POU6F1: variants seen among roughly 807,000 people sequenced by gnomAD.
POU6F1 encodes POU domain, class 6, transcription factor 1.
In POU6F1, 9 loss-of-function variants were observed where a neutral mutation model predicts 28.9. That is an observed-to-expected ratio of 0.31 (90% CI 0.19 to 0.54). The LOEUF (loss-of-function observed/expected upper bound fraction) is 0.54. POU6F1 is among the 20% of genes least tolerant of loss of function. The pLI is 0.94. For missense variants in POU6F1, 338 were observed against 426.1 expected (o/e 0.79, Z 1.82); for synonymous variants, 173 against 171.1 (o/e 1.01, Z -0.09).
chr12:51,205,557 C>A (rs1943537670), intron 2 of POU6F1, among the ~76,000 whole-genome samples: 1 of 152,234 alleles, frequency 6.6e-6, no homozygotes, highest in African/African-American at 2.4e-5. Context: ...GAATCAGAGA[C>A]AAAGTCTGTA....
intron 1 of POU6F1, among the ~76,000 whole-genome samples, chr12:51,213,334 AC>A: frequency 6.6e-6 from 1 of 152,254 alleles, no homozygotes; most frequent in Middle Eastern, 3.4e-3. Flanking sequence ...GGAAAATGGA[AC>A]TTGTATGGGA....
Position 51,187,510 on chromosome 12 carries a change from G to A in POU6F1, c.*2737C>T, listed in dbSNP as rs996033258. 6 of 152,218 alleles carry A rather than the reference G, an allele frequency of 3.9e-5. No homozygotes were observed. The highest frequency in any genetic ancestry group is 1.3e-4 in the Admixed American group (2 of 15,286). The allele number at this position is 152,218 out of a possible 1,614,324, so 9.4% of individuals were successfully genotyped here. A position where few individuals can be genotyped will look rare whatever the true frequency, so the allele number is the denominator to read the frequency against. On this transcript the variant is annotated 3_prime_UTR_variant, in exon 11 of 11. Coordinates refer to ENST00000333640, the MANE Select transcript of POU6F1 (RefSeq NM_001330422.2). The stretch of plus-strand genomic sequence containing the variant: ...GCTGCTTCCTGGGGGGTCTTACACT[G>A]TGGGAGGAAGGGCAGAGGTCACAGG...
Position 51,199,997 on chromosome 12 carries a change from A to G in POU6F1, c.245-129T>C, listed in dbSNP as rs1326774928. The G allele has an allele frequency of 2.5e-6, 1 of 397,998 alleles. No individual in the cohort carries two copies. Among genetic ancestry groups the G allele is most frequent in the Non-Finnish European group, 4.4e-6 (1 of 225,828 alleles). 24.7% of individuals were successfully genotyped at this position (397,998 alleles called of 1,614,324 possible). On this transcript the variant is annotated intron_variant, in intron 3 of 10. Transcript: ENST00000333640. The surrounding 1 kb of genome is among the most constrained non-coding windows in gnomAD (Gnocchi z 4.1). ...ACCCTCAGCCCCATGCTGCATTGCT[A>G]CATAGCCCAAGACCAATTGTTGGTC...
intron 8 of POU6F1, among the ~76,000 whole-genome samples, chr12:51,195,252 G>A (rs147415960): frequency 6.4e-4 from 98 of 152,272 alleles, no homozygotes; most frequent in Non-Finnish European, 1.1e-3. Flanking sequence ...CTCCGCCTTA[G>A]CCTCCTGAGT....
chr12:51,197,846 G>A lies in POU6F1; in HGVS notation c.770C>T (p.Ala257Val), dbSNP rs1942943043. 2 of 403,968 alleles carry A rather than the reference G, an allele frequency of 5.0e-6. No individual in the cohort carries two copies. The highest frequency in any genetic ancestry group is 8.7e-6 in the Non-Finnish European group (2 of 229,174). The allele number at this position is 403,968 out of a possible 1,614,324, so 25.0% of individuals were successfully genotyped here. The change falls in exon 6 of 11, where the codon GCC becomes GTC. Residue 257 changes from alanine to valine, a missense_variant. Transcript: ENST00000333640. ...LPQPTAATAA[A>V]PTPKPVDTPP... Reference sequence around the variant, plus strand: ...GGTGTCCACTGGCTTGGGGGTAGGGGCAGCAGCGGTGGCAGCAGTGGGCTG... The same window carrying A: ...GGTGTCCACTGGCTTGGGGGTAGGGACAGCAGCGGTGGCAGCAGTGGGCTG...
chr12:51,192,230 C>T, intron 9 of POU6F1, 100 bp downstream of exon 9: 2 of 1,487,868 alleles, frequency 1.3e-6, no homozygotes, highest in South Asian at 1.3e-5. Context: ...CCCTTCCCCT[C>T]TGGACCCCAG....
rs1281489818 is a variant in POU6F1 at position 51,206,780 on chromosome 12, A to G, written c.48+9T>C. The stretch of plus-strand genomic sequence containing the variant: ...CCCTTACCCCCCCACTTCCCACCCC[A>G]GAAGATACCTGCTCATTGACAGTCA... On this transcript the variant is annotated intron_variant, in intron 2 of 10. Coordinates refer to ENST00000333640, the MANE Select transcript of POU6F1 (RefSeq NM_001330422.2). The G allele has an allele frequency of 2.6e-6, 1 of 391,256 alleles. No homozygotes were observed. Among genetic ancestry groups the G allele is most frequent in the Non-Finnish European group, 4.5e-6 (1 of 222,268 alleles). 24.2% of individuals were successfully genotyped at this position (391,256 alleles called of 1,614,324 possible).
chr12:51,198,011 A>G lies in POU6F1; in HGVS notation c.605T>C (p.Leu202Pro), dbSNP rs1035860747. The G allele has an allele frequency of 2.5e-5, 10 of 399,462 alleles. No homozygotes were observed. The highest frequency in any genetic ancestry group is 4.0e-5 in the Non-Finnish European group (9 of 226,494). The allele number at this position is 399,462 out of a possible 1,614,324, so 24.7% of individuals were successfully genotyped here. A position where few individuals can be genotyped will look rare whatever the true frequency, so the allele number is the denominator to read the frequency against. ...PLAGLQAAAVLNTALPAPVQA... is the reference protein window; with the variant it reads ...PLAGLQAAAVPNTALPAPVQA... The stretch of plus-strand genomic sequence containing the variant: ...TACCGGTGCCGGAAGAGCGGTGTTC[A>G]GCACAGCAGCTGCTATGGAGCAAGG... Residue 202 changes from leucine (L) to proline (P), a missense_variant, in exon 6 of 11, where the codon CTG (leucine) becomes CCG (proline). By Grantham distance (98) the Leu-to-Pro change is moderately conservative. Around this residue, in one of 3 missense-constraint regions of POU6F1, gnomAD observed 206 missense variants for 225.6 expected, o/e 0.91. Transcript: ENST00000333640.
chr12:51,190,141 G>GCATTTGC lies in POU6F1; in HGVS notation c.*105_*106insGCAAATG, dbSNP rs1942292770. On this transcript the variant is annotated 3_prime_UTR_variant, in exon 11 of 11. Transcript: ENST00000333640. The surrounding 1 kb of genome is among the most constrained non-coding windows in gnomAD (Gnocchi z 4.5). ...GGTGGAGTCTGATGACCTGGGGTGAGCACAGCTGCACGTGGCAAAATGACA... is the reference window on the plus strand; with the variant it reads ...GGTGGAGTCTGATGACCTGGGGTGAGCATTTGCCACAGCTGCACGTGGCAAAATGACA... The GCATTTGC allele has an allele frequency of 6.8e-7, 1 of 1,479,714 alleles. No homozygotes were observed. The highest frequency in any genetic ancestry group is 1.4e-5 in the African/African-American group (1 of 71,538). 91.7% of individuals were successfully genotyped at this position (1,479,714 alleles called of 1,614,324 possible).
At chr12:51,210,488 TAA>T (rs1016545043) in intron 1 of POU6F1, among the ~76,000 whole-genome samples, 14 of 152,274 alleles carry the variant, frequency 9.2e-5, no homozygotes, top group Middle Eastern at 3.4e-3. Context: ...AGAGGAGCGT[TAA>T]GTCTGCTCAT....
Position 51,192,310 on chromosome 12 carries a change from C to T in POU6F1, c.1321+20G>A. 6.2e-7 allele frequency: 1 copy of T among 1,612,840 alleles called. No individual in the cohort carries two copies. The highest frequency in any genetic ancestry group is 8.5e-7 in the Non-Finnish European group (1 of 1,179,180). On this transcript the variant is annotated intron_variant, in intron 9 of 10. Coordinates refer to ENST00000333640, the MANE Select transcript of POU6F1 (RefSeq NM_001330422.2). ...AATGCCTCCCCACTTCTCCACACTACTTCTCCAGGAGCCACTTACTGGACA... is the reference window on the plus strand; with the variant it reads ...AATGCCTCCCCACTTCTCCACACTATTTCTCCAGGAGCCACTTACTGGACA...
Position 51,189,651 on chromosome 12 carries a change from CT to C in POU6F1, c.*595del, listed in dbSNP as rs1400024009. ...CCCAGGGGTTTGGGAACCTTCTGACCTTGAGGTCAAGGCAGACATGGAGTCT... is the reference window on the plus strand; with the variant it reads ...CCCAGGGGTTTGGGAACCTTCTGACCTGAGGTCAAGGCAGACATGGAGTCT... On this transcript the variant is annotated 3_prime_UTR_variant, in exon 11 of 11. Coordinates refer to ENST00000333640, the MANE Select transcript of POU6F1 (RefSeq NM_001330422.2). 4 of 153,712 alleles carry C rather than the reference CT, an allele frequency of 2.6e-5. No individual in the cohort carries two copies. The highest frequency in any genetic ancestry group is 9.7e-5 in the African/African-American group (4 of 41,440). 9.5% of individuals were successfully genotyped at this position (153,712 alleles called of 1,614,324 possible). A position where few individuals can be genotyped will look rare whatever the true frequency, so the allele number is the denominator to read the frequency against.
rs545826672 is a variant in POU6F1, at chr12:51,211,349, G to A, written c.-47-4466C>T. On this transcript the variant is annotated intron_variant, in intron 1 of 10. Transcript: ENST00000333640. ...CCCTCTCCTTTGCCTTCTTTCTCCA[G>A]TGAGTTGACTTTGAAAAACGCCTGG... 3.9e-5 allele frequency among the ~76,000 whole-genome samples: 6 copies of A among 152,314 alleles called. No homozygotes were observed. The East Asian group carries it at 1.2e-3, about 29-fold the overall frequency.
intron 10 of POU6F1, 34 bp downstream of exon 10, chr12:51,191,561 CA>C (rs745429294): frequency 6.3e-7 from 1 of 1,593,560 alleles, no homozygotes; most frequent in African/African-American, 1.3e-5. Context: ...GGCAGCTGAG[CA>C]GGCCCTAATC....
At chr12:51,203,237 G>T (rs1390796377) in intron 3 of POU6F1, among the ~76,000 whole-genome samples, 1 of 152,194 alleles carries the variant, frequency 6.6e-6, no homozygotes, top group Admixed American at 6.5e-5. Context: ...GAGATATGAA[G>T]ATGGATAAAT....
rs996774070 is a variant in POU6F1, at chr12:51,218,005, T to C, written c.-411A>G. The stretch of plus-strand genomic sequence containing the variant: ...CCCCCCTTTTCCCTCCCCCCCTTTT[T>C]TCCCTCCTTCTGCTACTTGGATTTT... On this transcript the variant is annotated 5_prime_UTR_variant, in exon 1 of 11. Coordinates refer to ENST00000333640, the MANE Select transcript of POU6F1 (RefSeq NM_001330422.2). 1.3e-5 allele frequency among the ~76,000 whole-genome samples: 2 copies of C among 151,346 alleles called. No individual in the cohort carries two copies. The highest frequency in any genetic ancestry group is 4.8e-5 in the African/African-American group (2 of 41,340).
intron 3 of POU6F1, among the ~76,000 whole-genome samples, chr12:51,201,177 C>A (rs981635546): frequency 6.6e-6 from 1 of 152,180 alleles, no homozygotes; most frequent in Non-Finnish European, 1.5e-5. Context: ...TCTGTCCAAC[C>A]CTGCAGTACT....
rs751272863 is a variant in POU6F1 at position 51,199,765 on chromosome 12, A to C, written c.348T>G (p.Ala116=). 14 of 399,002 alleles carry C rather than the reference A, an allele frequency of 3.5e-5. No homozygotes were observed. Among genetic ancestry groups the C allele is most frequent in the Middle Eastern group, 6.2e-4 (1 of 1,610 alleles). The allele number at this position is 399,002 out of a possible 1,614,324, so 24.7% of individuals were successfully genotyped here. Residue 116 remains alanine (A), a synonymous_variant, in exon 4 of 11, where the codon GCT becomes GCG. Coordinates refer to ENST00000333640, the MANE Select transcript of POU6F1 (RefSeq NM_001330422.2). The surrounding 1 kb of genome is among the most constrained non-coding windows in gnomAD (Gnocchi z 4.1). ...PQASQTLTPL[A]VQAAPQVLTQ... ...CCCTTACCTGGGGGGCAGCTTGTACAGCCAGTGGCGTCAGGGTCTGCGATG... is the reference window on the plus strand; with the variant it reads ...CCCTTACCTGGGGGGCAGCTTGTACCGCCAGTGGCGTCAGGGTCTGCGATG...
intron 8 of POU6F1, among the ~76,000 whole-genome samples, chr12:51,192,904 C>CAA (rs11361026): frequency 1.6e-4 from 18 of 111,004 alleles, no homozygotes; most frequent in African/African-American, 5.5e-4. Flanking sequence ...GACTCCGTCT[C>CAA]AAAAAAAAAA....
Sources: allele counts gnomAD v4.1 joint callset (sites outside exome capture counted in the v4.1 genomes callset), GRCh38; gene constraint gnomAD v4.1.1; regional missense constraint gnomAD v4.1.1; non-coding constraint Gnocchi (gnomAD v3.1); transcripts MANE v1.5; gene names NCBI Gene and HGNC (gene_info 2026-07-23, HGNC 2026-07-21).